PSMB7: variants seen among roughly 807,000 people sequenced by gnomAD.
PSMB7 encodes proteasome subunit beta type-7.
In PSMB7, 5 loss-of-function variants were observed where a neutral mutation model predicts 28.1. The ratio of observed to expected loss-of-function variants is 0.18; its 90% CI spans 0.09 to 0.37. The LOEUF (loss-of-function observed/expected upper bound fraction) is 0.37. Among genes scored for constraint, PSMB7 ranks in the 10% least tolerant of loss-of-function variants. PSMB7 has a pLI of 1.00. For synonymous variants in PSMB7, 122 were observed against 123.7 expected (o/e 0.99, Z 0.09); for missense variants, 275 against 346.2 (o/e 0.79, Z 1.63).
intron 5 of PSMB7, among the ~76,000 whole-genome samples, chr9:124,388,980 T>C (rs1830755852): frequency 6.6e-6 from 1 of 152,192 alleles, no homozygotes; most frequent in African/African-American, 2.4e-5. Context: ...GGAGAGACGC[T>C]TATTGAATGA....
chr9:124,400,450 T>C (rs1463286056), intron 5 of PSMB7, among the ~76,000 whole-genome samples: 2 of 152,208 alleles, frequency 1.3e-5, no homozygotes, highest in African/African-American at 4.8e-5. Context: ...GCAGCTGTAT[T>C]TCCTGCCTCT....
At chr9:124,380,490 C>T (rs1204502379) in intron 6 of PSMB7, among the ~76,000 whole-genome samples, 1 of 152,066 alleles carries the variant, frequency 6.6e-6, no homozygotes, top group Non-Finnish European at 1.5e-5. Flanking sequence ...GCAGTGAGCC[C>T]TGGTCATGCC....
At chr9:124,410,969 A>C (rs978633138) in intron 4 of PSMB7, among the ~76,000 whole-genome samples, 13 of 151,986 alleles carry the variant, frequency 8.6e-5, no homozygotes, top group African/African-American at 3.1e-4. Context: ...ACAGAAATCT[A>C]GACTTTTTTT....
chr9:124,372,537 C>T (rs567095823), intron 6 of PSMB7, among the ~76,000 whole-genome samples: 2 of 152,188 alleles, frequency 1.3e-5, no homozygotes, highest in Non-Finnish European at 2.9e-5. Flanking sequence ...TCCAAGCTTA[C>T]GGAGATTTTT....
chr9:124,355,300 G>A (rs1830392930), intron 7 of PSMB7, among the ~76,000 whole-genome samples: 1 of 152,180 alleles, frequency 6.6e-6, no homozygotes, highest in South Asian at 2.1e-4. Context: ...TTTGTTCTTG[G>A]GTGTTTAGAG....
At chr9:124,371,736 A>T (rs1021861630) in intron 6 of PSMB7, among the ~76,000 whole-genome samples, 9 of 152,244 alleles carry the variant, frequency 5.9e-5, no homozygotes, top group African/African-American at 2.2e-4. Flanking sequence ...TGATATCACG[A>T]CACAGAACAT....
rs748513518 is a variant in PSMB7 at position 124,384,668 on chromosome 9, A to C, written c.512-12T>G. 6.2e-6 allele frequency: 10 copies of C among 1,613,064 alleles called. No homozygotes were observed. Among genetic ancestry groups the C allele is most frequent in the Non-Finnish European group, 8.5e-6 (10 of 1,179,518 alleles). Reference sequence around the variant, plus strand: ...CAAGGAGCCAGAACCTGCAAGAAAAAGGTGCACTTTTAGTGTATTTTATGA... The same window carrying C: ...CAAGGAGCCAGAACCTGCAAGAAAACGGTGCACTTTTAGTGTATTTTATGA... On this transcript the variant is annotated splice_polypyrimidine_tract_variant and intron_variant, in intron 5 of 7. Coordinates refer to ENST00000259457, the MANE Select transcript of PSMB7 (RefSeq NM_002799.4).
chr9:124,413,699 G>T (rs1360678378), intron 3 of PSMB7, among the ~76,000 whole-genome samples: 1 of 152,140 alleles, frequency 6.6e-6, no homozygotes, highest in Non-Finnish European at 1.5e-5. Context: ...GCACAGAGAG[G>T]GCAAAACTGG....
chr9:124,391,689 C>T (rs557984040), intron 5 of PSMB7, among the ~76,000 whole-genome samples: 7 of 151,606 alleles, frequency 4.6e-5, no homozygotes, highest in Non-Finnish European at 8.8e-5. Flanking sequence ...TTTCTAAAAC[C>T]TCTGAAGGTG....
intron 5 of PSMB7, among the ~76,000 whole-genome samples, chr9:124,399,624 G>A (rs544560351): frequency 1.6e-4 from 25 of 152,314 alleles, no homozygotes; most frequent in African/African-American, 6.0e-4. Context: ...AACTGAAAAG[G>A]GAGATGGCCC....
At chr9:124,381,603 C>T (rs1830665137) in intron 6 of PSMB7, among the ~76,000 whole-genome samples, 1 of 152,174 alleles carries the variant, frequency 6.6e-6, no homozygotes, top group East Asian at 1.9e-4. Context: ...CTTTTTGACA[C>T]AGAAAGAAAG....
intron 6 of PSMB7, among the ~76,000 whole-genome samples, chr9:124,382,685 A>T (rs1406945945): frequency 6.6e-6 from 1 of 152,222 alleles, no homozygotes; most frequent in African/African-American, 2.4e-5. Context: ...CAAGTTATGG[A>T]CACAACTGAT....
rs772524538 is a variant in PSMB7, at chr9:124,406,497, CAAAA to C, written c.396-1069_396-1066del. Among the ~76,000 whole-genome samples the C allele has an allele frequency of 1.4e-4, 7 of 50,504 alleles. No individual in the cohort carries two copies. In the South Asian group the frequency reaches 2.8e-3, roughly 20 times the overall value. 33.1% of individuals were successfully genotyped at this position (50,504 alleles called of 152,430 possible). ...AGCCAGGACAGAGCAAGAGTTGTCT[CAAAA>C]AAAAAAAAAAAAAAAAAAAGTATCA... On this transcript the variant is annotated intron_variant, in intron 4 of 7. Transcript: ENST00000259457.
chr9:124,354,717 TCC>T (rs1830380726), intron 7 of PSMB7, among the ~76,000 whole-genome samples: 1 of 152,128 alleles, frequency 6.6e-6, no homozygotes, highest in Admixed American at 6.5e-5. Context: ...GAACAATGTG[TCC>T]CCACCCCATC....
chr9:124,412,774 C>CA (rs1447062819), intron 3 of PSMB7, among the ~76,000 whole-genome samples: 1 of 152,046 alleles, frequency 6.6e-6, no homozygotes, highest in Non-Finnish European at 1.5e-5. Context: ...CAAATATATC[C>CA]AAGTTGTACA....
At chr9:124,398,027 G>A (rs1320899976) in intron 5 of PSMB7, among the ~76,000 whole-genome samples, 1 of 152,018 alleles carries the variant, frequency 6.6e-6, no homozygotes, top group Non-Finnish European at 1.5e-5. Context: ...AATTAGCAGG[G>A]CGTGGCTAAT....
chr9:124,369,711 G>A (rs889290095), intron 6 of PSMB7, among the ~76,000 whole-genome samples: 4 of 152,050 alleles, frequency 2.6e-5, no homozygotes, highest in African/African-American at 9.7e-5. Flanking sequence ...AGGGGCCCCC[G>A]TGCCTCTGGA....
chr9:124,383,929 A>G (rs1830692869), intron 6 of PSMB7: 1 of 152,222 alleles, frequency 6.6e-6, no homozygotes, highest in Non-Finnish European at 1.5e-5. Flanking sequence ...GACAGTGACC[A>G]TGGAAGAGCT....
chr9:124,415,026 G>A (rs570650500), intron 1 of PSMB7, 91 bp from the exon 2 acceptor site: 3 of 827,528 alleles, frequency 3.6e-6, no homozygotes, highest in South Asian at 3.4e-5. Flanking sequence ...ACTCAGGAAA[G>A]CTGCTACTTG....
Sources: gnomAD v4.1 joint callset for allele counts (sites outside exome capture counted in the v4.1 genomes callset) on GRCh38, gnomAD v4.1.1 for gene constraint, MANE v1.5 for transcripts, NCBI Gene and HGNC (gene_info 2026-07-23, HGNC 2026-07-21) for gene names.